The following CCDC201 variants were observed in gnomAD, a reference collection of about 807,000 sequenced individuals.
The protein encoded by CCDC201 is coiled-coil domain containing 201, also known as coiled-coil domain-containing protein 201.
At chr7:45,866,720 T>C (rs564889667) in intron 1 of CCDC201, among the ~76,000 whole-genome samples, 1 of 152,176 alleles carries the variant, frequency 6.6e-6, no homozygotes, top group Non-Finnish European at 1.5e-5. Context: ...GCTTGCCTTT[T>C]CATGGATGTA....
At chr7:45,882,360 G>A in the CCDC201 span, among the ~76,000 whole-genome samples, 6 of 152,308 alleles carry the variant, frequency 3.9e-5, no homozygotes, top group African/African-American at 9.6e-5. Flanking sequence ...GTGCTTTCTT[G>A]TACCAGGCAA....
At chr7:45,884,015 TTCTC>T in the CCDC201 span, among the ~76,000 whole-genome samples, 58,692 of 149,046 alleles carry the variant, frequency 0.39, 12,078 homozygotes, top group East Asian at 0.55. Flanking sequence ...TTCTTTTTCT[TTCTC>T]TCTCTTTCTT....
chr7:45,862,524 C>T (rs1423420351), exon 3 of CCDC201: 2 of 152,284 alleles, frequency 1.3e-5, no homozygotes, highest in African/African-American at 4.8e-5. Flanking sequence ...ATACATCCCT[C>T]ACCATTGGTG....
chr7:45,882,452 A>G, the CCDC201 span, among the ~76,000 whole-genome samples: 2 of 152,242 alleles, frequency 1.3e-5, no homozygotes, highest in African/African-American at 4.8e-5. Context: ...TCTAAGGCAC[A>G]AAAACAAACG....
At chr7:45,865,163 A>AGCCTTGTTT (rs1786655134) in intron 2 of CCDC201, among the ~76,000 whole-genome samples, 1 of 152,206 alleles carries the variant, frequency 6.6e-6, no homozygotes, top group Non-Finnish European at 1.5e-5. Context: ...TAAACCAGGA[A>AGCCTTGTTT]ATGGGCGAGG....
chr7:45,874,478 CATCTGCACATAGGA>C (rs1786777140), upstream of CCDC201, among the ~76,000 whole-genome samples: 4 of 152,236 alleles, frequency 2.6e-5, no homozygotes, highest in East Asian at 5.8e-4. Context: ...AGCTCTGAAA[CATCTGCACATAGGA>C]ACCTAAATGA....
chr7:45,880,084 T>A, the CCDC201 span, among the ~76,000 whole-genome samples: 1 of 152,192 alleles, frequency 6.6e-6, no homozygotes. Context: ...AGACTCTGTC[T>A]TCACACACAA....
At chr7:45,868,279 G>A (rs1222312081) in intron 1 of CCDC201, among the ~76,000 whole-genome samples, 1 of 152,154 alleles carries the variant, frequency 6.6e-6, no homozygotes, top group Non-Finnish European at 1.5e-5. Context: ...CTAGTTGAGT[G>A]TCCTCCAGAT....
intron 1 of CCDC201, among the ~76,000 whole-genome samples, chr7:45,871,171 C>A (rs1786739433): frequency 6.6e-6 from 1 of 152,090 alleles, no homozygotes; most frequent in African/African-American, 2.4e-5. Context: ...CCCAGACATG[C>A]ATAGGAGGAT....
rs1235654786 is a variant in CCDC201 at position 45,871,850 on chromosome 7, A to G, written c.18+1140T>C. ...ACCAAATTCCCATTTGGTTTTATCT[A>G]TCGGACTTCAAAAATTTAGAAGTAT... is the stretch of plus-strand genomic sequence containing the variant. On this transcript the variant is annotated intron_variant, in intron 1 of 2. Coordinates refer to ENST00000636578, the Ensembl canonical transcript of CCDC201. Among the ~76,000 whole-genome samples the G allele has an allele frequency of 2.6e-5, 4 of 152,342 alleles. No homozygotes were observed. In the East Asian group the frequency reaches 7.7e-4, roughly 29 times the overall value.
At chr7:45,879,848 G>A in the CCDC201 span, among the ~76,000 whole-genome samples, 4 of 152,216 alleles carry the variant, frequency 2.6e-5, no homozygotes, top group Admixed American at 1.3e-4. Flanking sequence ...CATTTTGGGA[G>A]GCTGAGGTAG....
chr7:45,871,943 C>G (rs1050217302), intron 1 of CCDC201, among the ~76,000 whole-genome samples: 2 of 152,194 alleles, frequency 1.3e-5, no homozygotes, highest in South Asian at 4.1e-4. Context: ...GAAACTGGAA[C>G]ATCTTCTATG....
At chr7:45,882,383 A>C in the CCDC201 span, among the ~76,000 whole-genome samples, 2 of 152,196 alleles carry the variant, frequency 1.3e-5, no homozygotes, top group Non-Finnish European at 2.9e-5. Flanking sequence ...CATCATCCCC[A>C]TCTTACAGGT....
chr7:45,880,777 G>A, the CCDC201 span, among the ~76,000 whole-genome samples: 4 of 152,238 alleles, frequency 2.6e-5, no homozygotes, highest in East Asian at 1.9e-4. Flanking sequence ...TGTGTGTAGC[G>A]AGTGCAGCAA....
chr7:45,874,384 G>T (rs1223704995), upstream of CCDC201, among the ~76,000 whole-genome samples: 1 of 152,214 alleles, frequency 6.6e-6, no homozygotes, highest in Non-Finnish European at 1.5e-5. Context: ...TTGCCACTAA[G>T]TTGCCATGTG....
intron 1 of CCDC201, among the ~76,000 whole-genome samples, chr7:45,872,033 T>C (rs1468981149): frequency 1.3e-5 from 2 of 152,180 alleles, no homozygotes; most frequent in Non-Finnish European, 1.5e-5. Context: ...AGTTACTCTA[T>C]AGAAGGATAT....
intron 1 of CCDC201, among the ~76,000 whole-genome samples, chr7:45,872,766 G>A (rs1177529158): frequency 6.6e-6 from 1 of 152,178 alleles, no homozygotes; most frequent in African/African-American, 2.4e-5. Context: ...CTCTGGGCAA[G>A]GCTCCCGAGG....
intron 1 of CCDC201, among the ~76,000 whole-genome samples, chr7:45,867,034 T>C (rs1042071192): frequency 9.2e-5 from 14 of 152,210 alleles, no homozygotes; most frequent in Non-Finnish European, 1.8e-4. Context: ...ACAGCCAATG[T>C]TTTCTTCCAA....
the CCDC201 span, among the ~76,000 whole-genome samples, chr7:45,879,653 C>T: frequency 1.3e-5 from 2 of 152,206 alleles, no homozygotes; most frequent in Non-Finnish European, 2.9e-5. Context: ...AATCACATCG[C>T]ACCAGGCCCC....
Sources: allele counts gnomAD v4.1 joint callset (sites outside exome capture counted in the v4.1 genomes callset), GRCh38; gene constraint gnomAD v4.1.1; transcripts MANE v1.5; gene names NCBI Gene and HGNC (gene_info 2026-07-23, HGNC 2026-07-21).